The following LIMS1 variants were observed in gnomAD, a reference collection of about 807,000 sequenced individuals.
The protein encoded by LIMS1 is LIM and senescent cell antigen-like-containing domain protein 1.
In LIMS1, 18 loss-of-function variants were observed where a neutral mutation model predicts 44.1. That is an observed-to-expected ratio of 0.41 (90% CI 0.28 to 0.61). The LOEUF is 0.61. LIMS1 is among the 20% of genes least tolerant of loss of function. The pLI, the probability that LIMS1 is intolerant of heterozygous loss-of-function variation, is 0.32. For missense variants in LIMS1, 201 were observed against 422.0 expected (o/e 0.48, Z 4.59); for synonymous variants, 93 against 149.1 (o/e 0.62, Z 2.74).
chr2:108,550,113 C>T (rs974833259), intron 1 of LIMS1, among the ~76,000 whole-genome samples: 2 of 152,022 alleles, frequency 1.3e-5, no homozygotes, highest in African/African-American at 4.8e-5. Context: ...TTCAGAAAAA[C>T]AGGATGTGAA....
intron 1 of LIMS1, among the ~76,000 whole-genome samples, chr2:108,609,502 C>A (rs1483636671): frequency 1.3e-5 from 2 of 152,186 alleles, no homozygotes; most frequent in Non-Finnish European, 2.9e-5. Flanking sequence ...CAGAGTGAGG[C>A]GCCCACTGTT....
intron 1 of LIMS1, among the ~76,000 whole-genome samples, chr2:108,568,252 A>G (rs1051985327): frequency 6.6e-6 from 1 of 152,196 alleles, no homozygotes; most frequent in South Asian, 2.1e-4. Flanking sequence ...GATTTCCTAT[A>G]CTTTAGATAC....
In LIMS1 at chr2:108,608,596, G is replaced by A. The variant is rs372523937; in HGVS notation, c.33-51009G>A. Reference sequence around the variant, plus strand: ...TGGAATTACAGGCGTGAGCCACCGCGCCCGGCCCACTCACATTTTTAAAAC... The same window carrying A: ...TGGAATTACAGGCGTGAGCCACCGCACCCGGCCCACTCACATTTTTAAAAC... On this transcript the variant is annotated intron_variant, in intron 1 of 9. Coordinates refer to ENST00000544547, the Ensembl canonical transcript of LIMS1. Among the ~76,000 whole-genome samples the A allele has an allele frequency of 2.3e-3, 346 of 152,276 alleles. 1 individual carries two copies. Among genetic ancestry groups the A allele is most frequent in the Middle Eastern group, 6.8e-3 (2 of 294 alleles).
rs146765287 is a variant in LIMS1 at position 108,553,973 on chromosome 2, TA to T, written c.32+19380del. On this transcript the variant is annotated intron_variant, in intron 1 of 9. Transcript: ENST00000544547. ...AGGCATGATTATCCTCATTCTCTTT[TA>T]TTTTTTTAGATAAGCAAACCAAGAC... is the stretch of plus-strand genomic sequence containing the variant. Among the ~76,000 whole-genome samples the T allele has an allele frequency of 7.7e-3, 1,177 of 152,300 alleles. 13 individuals are homozygous for T. Among genetic ancestry groups the T allele is most frequent in the African/African-American group, 0.027 (1,120 of 41,546 alleles).
At chr2:108,611,881 A>ACACAC (rs1687634152) in intron 1 of LIMS1, among the ~76,000 whole-genome samples, 1 of 146,164 alleles carries the variant, frequency 6.8e-6, no homozygotes. Context: ...ACATATATAT[A>ACACAC]AAATATATAC....
At chr2:108,548,546 G>T (rs904405514) in intron 1 of LIMS1, among the ~76,000 whole-genome samples, 4 of 152,172 alleles carry the variant, frequency 2.6e-5, no homozygotes, top group Non-Finnish European at 4.4e-5. Flanking sequence ...GATGACAGAG[G>T]ACGTTGGTGA....
At chr2:108,549,518 A>G (rs1684614325) in intron 1 of LIMS1, among the ~76,000 whole-genome samples, 1 of 151,764 alleles carries the variant, frequency 6.6e-6, no homozygotes, top group Non-Finnish European at 1.5e-5. Flanking sequence ...TGGTAAGTAC[A>G]GTGTTTGCTT....
exon 10 of LIMS1, chr2:108,685,641 G>A (rs972252278): frequency 2.6e-5 from 4 of 151,984 alleles, no homozygotes; most frequent in Non-Finnish European, 5.9e-5. Flanking sequence ...ATAAATGATC[G>A]AGAATAATCA....
chr2:108,633,544 TTC>T (rs1161002530), intron 1 of LIMS1, among the ~76,000 whole-genome samples: 1 of 152,260 alleles, frequency 6.6e-6, no homozygotes, highest in Non-Finnish European at 1.5e-5. Context: ...AGTTATTTTG[TTC>T]TGTTTTCTCA....
intron 2 of LIMS1, chr2:108,660,318 G>A (rs1298756105): frequency 4.3e-6 from 2 of 467,258 alleles, no homozygotes; most frequent in Non-Finnish European, 8.8e-6. Context: ...GGGTGTCTAT[G>A]TTCTTTTCTA....
At chr2:108,588,720 T>C (rs1573382707) in intron 1 of LIMS1, 1 of 585,640 alleles carries the variant, frequency 1.7e-6, no homozygotes, top group Non-Finnish European at 2.2e-6. Flanking sequence ...TGAAACTCTC[T>C]ATGCAGAAAG....
intron 9 of LIMS1, chr2:108,681,580 T>G: frequency 1.0e-6 from 1 of 959,112 alleles, no homozygotes. Flanking sequence ...ATTATAAGTG[T>G]TGTTTGATAT....
intron 9 of LIMS1, 68 bp downstream of exon 9, chr2:108,680,838 T>G (rs1209047834): frequency 3.8e-6 from 6 of 1,582,514 alleles, no homozygotes; most frequent in Non-Finnish European, 5.1e-6. Flanking sequence ...TTAAAAAAAA[T>G]CCTAGAATTT....
chr2:108,550,525 AT>A (rs1684647260), intron 1 of LIMS1, among the ~76,000 whole-genome samples: 2 of 142,010 alleles, frequency 1.4e-5, no homozygotes, highest in Non-Finnish European at 3.1e-5. Context: ...AAAAAAATAA[AT>A]AAATAAAGCC....
intron 1 of LIMS1, among the ~76,000 whole-genome samples, chr2:108,616,119 G>A (rs1687914155): frequency 6.7e-6 from 1 of 149,956 alleles, no homozygotes; most frequent in Non-Finnish European, 1.5e-5. Flanking sequence ...GGTCTAAATT[G>A]AAGACTGTTG....
intron 1 of LIMS1, among the ~76,000 whole-genome samples, chr2:108,568,313 A>G (rs995246296): frequency 9.9e-5 from 15 of 152,144 alleles, no homozygotes; most frequent in African/African-American, 3.4e-4. Flanking sequence ...CTGGCTTTCT[A>G]TTTCACTTCA....
In LIMS1 at chr2:108,561,337, G is replaced by A. The variant is rs893016602; in HGVS notation, c.32+26743G>A. On this transcript the variant is annotated intron_variant, in intron 1 of 9. Transcript: ENST00000544547. ...TTTAACACAGTGTATCTTCATAAGTGGCCTATGAAGTAGGTACTATTATTA... is the reference window on the plus strand; with the variant it reads ...TTTAACACAGTGTATCTTCATAAGTAGCCTATGAAGTAGGTACTATTATTA... Among the ~76,000 whole-genome samples the A allele has an allele frequency of 1.1e-4, 16 of 152,254 alleles. 1 individual carries two copies. The highest frequency in any genetic ancestry group is 6.5e-4 in the Admixed American group (10 of 15,282).
chr2:108,609,394 C>T (rs765032310), intron 1 of LIMS1, among the ~76,000 whole-genome samples: 1 of 152,086 alleles, frequency 6.6e-6, no homozygotes, highest in Non-Finnish European at 1.5e-5. Context: ...CCTTGTGTGG[C>T]TTATCACCTG....
intron 1 of LIMS1, among the ~76,000 whole-genome samples, chr2:108,643,387 C>T (rs1027016732): frequency 2.0e-5 from 3 of 152,136 alleles, no homozygotes; most frequent in Non-Finnish European, 2.9e-5. Context: ...ACCCGGGAAG[C>T]GCAAGGGGTT....
Sources: gnomAD v4.1 joint callset for allele counts (sites outside exome capture counted in the v4.1 genomes callset) on GRCh38, gnomAD v4.1.1 for gene constraint, MANE v1.5 for transcripts, NCBI Gene and HGNC (gene_info 2026-07-23, HGNC 2026-07-21) for gene names.